PDZRN4: variants seen among roughly 807,000 people sequenced by gnomAD.
PDZRN4 encodes PDZ domain-containing RING finger protein 4.
A neutral mutation model predicts 99.0 loss-of-function variants in PDZRN4; 70 were observed. The ratio of observed to expected loss-of-function variants is 0.71; its 90% CI spans 0.58 to 0.86. The LOEUF is 0.86. PDZRN4 is among the 40% of genes least tolerant of loss of function. The pLI is 0.00. For synonymous variants in PDZRN4, 551 were observed against 501.6 expected (o/e 1.10, Z -1.32); for missense variants, 1,474 against 1,331.2 (o/e 1.11, Z -1.67).
chr12:41,345,946 T>C (rs1951850521), intron 3 of PDZRN4, among the ~76,000 whole-genome samples: 1 of 152,096 alleles, frequency 6.6e-6, no homozygotes, highest in Non-Finnish European at 1.5e-5. Flanking sequence ...CCAATAATAA[T>C]ATTAGTTATT....
At chr12:41,392,080 A>G (rs982826758) in intron 3 of PDZRN4, among the ~76,000 whole-genome samples, 5 of 152,196 alleles carry the variant, frequency 3.3e-5, no homozygotes, top group Non-Finnish European at 7.3e-5. Context: ...CATAAAATGT[A>G]CTGATATCAG....
chr12:41,223,401 C>A (rs1424926310), intron 3 of PDZRN4, among the ~76,000 whole-genome samples: 1 of 152,046 alleles, frequency 6.6e-6, no homozygotes, highest in African/African-American at 2.4e-5. Flanking sequence ...CTCCTTCTCT[C>A]CCCCTACCCA....
chr12:41,209,261 C>A (rs190147317), intron 3 of PDZRN4, among the ~76,000 whole-genome samples: 1 of 151,908 alleles, frequency 6.6e-6, no homozygotes, highest in African/African-American at 2.4e-5. Context: ...GCACAGATGA[C>A]GACATCTGAA....
At chr12:41,302,075 T>G (rs1951540005) in intron 3 of PDZRN4, among the ~76,000 whole-genome samples, 1 of 152,134 alleles carries the variant, frequency 6.6e-6, no homozygotes, top group Non-Finnish European at 1.5e-5. Context: ...TGTATGTGTG[T>G]ATGCTTGTGT....
At chr12:41,316,939 T>C (rs1375215524) in intron 3 of PDZRN4, among the ~76,000 whole-genome samples, 1 of 151,076 alleles carries the variant, frequency 6.6e-6, no homozygotes, top group Non-Finnish European at 1.5e-5. Context: ...CAGCTTGCCT[T>C]GTAATGGTAG....
At chr12:41,301,431 T>C (rs1241990374) in intron 3 of PDZRN4, among the ~76,000 whole-genome samples, 1 of 152,022 alleles carries the variant, frequency 6.6e-6, no homozygotes, top group Non-Finnish European at 1.5e-5. Flanking sequence ...AAATGAAATA[T>C]GACTATGAAC....
intron 3 of PDZRN4, among the ~76,000 whole-genome samples, chr12:41,248,752 A>G (rs1281972688): frequency 1.3e-5 from 2 of 152,178 alleles, no homozygotes; most frequent in Non-Finnish European, 2.9e-5. Flanking sequence ...AGTGAAATAA[A>G]TTTTAAAATA....
chr12:41,481,329 A>C (rs543086733), intron 3 of PDZRN4, among the ~76,000 whole-genome samples: 5 of 152,132 alleles, frequency 3.3e-5, no homozygotes, highest in Admixed American at 3.3e-4. Context: ...TCTTCCTTCC[A>C]ACCTAGCCTA....
intron 3 of PDZRN4, among the ~76,000 whole-genome samples, chr12:41,379,559 T>C (rs1444377111): frequency 2.0e-5 from 3 of 151,852 alleles, no homozygotes; most frequent in Non-Finnish European, 4.4e-5. Flanking sequence ...ATTTTTTCCA[T>C]TTTTGTTCAT....
At chr12:41,494,299 T>C (rs1937949429) in intron 3 of PDZRN4, among the ~76,000 whole-genome samples, 1 of 152,072 alleles carries the variant, frequency 6.6e-6, no homozygotes, top group African/African-American at 2.4e-5. Context: ...TATAGAAAAA[T>C]CCTGGGTATT....
chr12:41,249,953 C>T (rs939689693), intron 3 of PDZRN4, among the ~76,000 whole-genome samples: 11 of 152,266 alleles, frequency 7.2e-5, no homozygotes, highest in Middle Eastern at 3.4e-3. Context: ...ATCTAATTTA[C>T]GCACACTTTT....
At chr12:41,250,141 A>C (rs1333667198) in intron 3 of PDZRN4, among the ~76,000 whole-genome samples, 1 of 152,190 alleles carries the variant, frequency 6.6e-6, no homozygotes, top group Admixed American at 6.5e-5. Flanking sequence ...AATGCATTAC[A>C]AAAGTGTCTT....
chr12:41,393,710 A>G (rs1043633809), intron 3 of PDZRN4, among the ~76,000 whole-genome samples: 2 of 152,142 alleles, frequency 1.3e-5, no homozygotes, highest in African/African-American at 2.4e-5. Flanking sequence ...TATTTTCTCT[A>G]TGTAGGGCTG....
At chr12:41,335,125 A>C (rs561353560) in intron 3 of PDZRN4, among the ~76,000 whole-genome samples, 19 of 152,264 alleles carry the variant, frequency 1.2e-4, no homozygotes, top group Admixed American at 7.2e-4. Context: ...TTCATGCAAT[A>C]TTCTGGATGG....
At chr12:41,198,081 A>G (rs571255359) in intron 3 of PDZRN4, among the ~76,000 whole-genome samples, 11 of 151,452 alleles carry the variant, frequency 7.3e-5, no homozygotes, top group Middle Eastern at 3.4e-3. Context: ...CACCTGGCTA[A>G]TTTTTTAAAA....
At chr12:41,481,885 A>T (rs1296694303) in intron 3 of PDZRN4, among the ~76,000 whole-genome samples, 1 of 152,176 alleles carries the variant, frequency 6.6e-6, no homozygotes, top group East Asian at 1.9e-4. Flanking sequence ...CATTTACTAG[A>T]TGTTTGTAGA....
At chr12:41,554,069 C>T (rs951302699) in intron 6 of PDZRN4, among the ~76,000 whole-genome samples, 5 of 152,106 alleles carry the variant, frequency 3.3e-5, no homozygotes, top group South Asian at 2.1e-4. Flanking sequence ...CCGGCTTCTG[C>T]GATGGAAAAA....
intron 4 of PDZRN4, among the ~76,000 whole-genome samples, chr12:41,507,204 C>T (rs1052443418): frequency 2.6e-5 from 4 of 152,076 alleles, no homozygotes; most frequent in African/African-American, 9.7e-5. Flanking sequence ...CTGACGAAAG[C>T]ACTTACCCAA....
intron 3 of PDZRN4, among the ~76,000 whole-genome samples, chr12:41,338,269 T>C (rs1369367204): frequency 6.6e-6 from 1 of 152,142 alleles, no homozygotes; most frequent in Non-Finnish European, 1.5e-5. Context: ...GTACAATTAA[T>C]TAATTCATTC....
Sources: gnomAD v4.1 joint callset for allele counts (sites outside exome capture counted in the v4.1 genomes callset) on GRCh38, gnomAD v4.1.1 for gene constraint, MANE v1.5 for transcripts, NCBI Gene and HGNC (gene_info 2026-07-23, HGNC 2026-07-21) for gene names.